ERBB4: variants seen among roughly 807,000 people sequenced by gnomAD.
ERBB4 encodes the protein erb-b2 receptor tyrosine kinase 4.
A neutral mutation model predicts 158.0 loss-of-function variants in ERBB4; 42 were observed. That is an observed-to-expected ratio of 0.27 (90% confidence interval 0.21 to 0.34). The LOEUF is 0.34. ERBB4 is among the 10% of genes least tolerant of loss of function. ERBB4 has a pLI of 1.00. For missense variants in ERBB4, 1,333 were observed against 1,624.1 expected (o/e 0.82, Z 3.08); for synonymous variants, 583 against 558.7 (o/e 1.04, Z -0.61).
At chr2:212,074,433 G>A (rs1486233826) in intron 2 of ERBB4, among the ~76,000 whole-genome samples, 1 of 151,862 alleles carries the variant, frequency 6.6e-6, no homozygotes, top group Non-Finnish European at 1.5e-5. Flanking sequence ...TAATTCTCAG[G>A]TTAATCCCAT....
intron 2 of ERBB4, among the ~76,000 whole-genome samples, chr2:212,003,214 AAGG>A (rs2076174231): frequency 4.5e-5 from 2 of 44,356 alleles, no homozygotes; most frequent in Non-Finnish European, 1.3e-4. Context: ...AGACAGAAAG[AAGG>A]AAGGAAGGAA....
chr2:212,523,440 G>T (rs1304862977), intron 1 of ERBB4, among the ~76,000 whole-genome samples: 1 of 151,914 alleles, frequency 6.6e-6, no homozygotes, highest in African/African-American at 2.4e-5. Context: ...TTTTAAGCTT[G>T]TATGCTTATA....
chr2:212,492,601 G>A (rs573501771), intron 1 of ERBB4, among the ~76,000 whole-genome samples: 2 of 151,402 alleles, frequency 1.3e-5, no homozygotes, highest in Non-Finnish European at 3.0e-5. Flanking sequence ...CAAAATAAAG[G>A]TATCCTGAAT....
intron 12 of ERBB4, among the ~76,000 whole-genome samples, chr2:211,693,996 C>A (rs542794753): frequency 1.2e-4 from 18 of 152,246 alleles, no homozygotes; most frequent in African/African-American, 4.3e-4. Context: ...ATGGCGTTCT[C>A]ATTTGTGTGT....
intron 1 of ERBB4, among the ~76,000 whole-genome samples, chr2:212,435,356 ACAAAC>A (rs1187383568): frequency 6.6e-6 from 1 of 151,994 alleles, no homozygotes; most frequent in Non-Finnish European, 1.5e-5. Context: ...TCCAAGACTT[ACAAAC>A]CATAGACTTG....
chr2:212,357,210 T>G (rs1247584398), intron 1 of ERBB4, among the ~76,000 whole-genome samples: 1 of 151,834 alleles, frequency 6.6e-6, no homozygotes, highest in African/African-American at 2.4e-5. Context: ...AACAATGAGC[T>G]TTAAAATAAA....
At chr2:212,460,405 G>A (rs764714443) in intron 1 of ERBB4, among the ~76,000 whole-genome samples, 10 of 152,156 alleles carry the variant, frequency 6.6e-5, no homozygotes, top group Non-Finnish European at 1.2e-4. Flanking sequence ...TTGGAACTTC[G>A]TAGAGACTTG....
chr2:212,094,814 T>C (rs2078879879), intron 2 of ERBB4, among the ~76,000 whole-genome samples: 1 of 152,174 alleles, frequency 6.6e-6, no homozygotes, highest in African/African-American at 2.4e-5. Flanking sequence ...CAAAATGGAC[T>C]AACATAGTCC....
intron 1 of ERBB4, among the ~76,000 whole-genome samples, chr2:212,526,845 G>A (rs950845427): frequency 2.6e-4 from 40 of 151,954 alleles, no homozygotes; most frequent in African/African-American, 6.3e-4. Context: ...GGGTGTTAGC[G>A]CAACTGCTTT....
At chr2:212,133,404 T>TGG (rs1353390239) in intron 1 of ERBB4, among the ~76,000 whole-genome samples, 2 of 123,342 alleles carry the variant, frequency 1.6e-5, no homozygotes, top group Non-Finnish European at 3.2e-5. Flanking sequence ...GTGTTTTTTT[T>TGG]TTGTTTTGTT....
chr2:212,203,948 G>C (rs2082660894), intron 1 of ERBB4, among the ~76,000 whole-genome samples: 1 of 152,166 alleles, frequency 6.6e-6, no homozygotes, highest in Non-Finnish European at 1.5e-5. Context: ...AAAGTTATTT[G>C]CTGTAGTATT....
chr2:211,404,312 T>C (rs770426609), intron 25 of ERBB4, among the ~76,000 whole-genome samples: 1 of 152,072 alleles, frequency 6.6e-6, no homozygotes, highest in Non-Finnish European at 1.5e-5. Flanking sequence ...TGGTGATCCT[T>C]AGATTTACTA....
chr2:211,489,627 C>CTT (rs1390036153), intron 20 of ERBB4, among the ~76,000 whole-genome samples: 1 of 151,666 alleles, frequency 6.6e-6, no homozygotes, highest in African/African-American at 2.4e-5. Context: ...TAAAATTATA[C>CTT]AAATTATATA....
chr2:212,437,816 C>T (rs1221695703), intron 1 of ERBB4, among the ~76,000 whole-genome samples: 1 of 152,040 alleles, frequency 6.6e-6, no homozygotes, highest in African/African-American at 2.4e-5. Context: ...TCTATGACTT[C>T]CTCTAATTAG....
At chr2:212,296,837 AC>A (rs925563134) in intron 1 of ERBB4, among the ~76,000 whole-genome samples, 4 of 151,928 alleles carry the variant, frequency 2.6e-5, no homozygotes, top group African/African-American at 9.7e-5. Context: ...TTAGAGACTA[AC>A]CACACCCACC....
chr2:211,814,600 AG>A (rs1443924553), intron 3 of ERBB4, among the ~76,000 whole-genome samples: 1 of 152,144 alleles, frequency 6.6e-6, no homozygotes. Context: ...TAGAAAGCAA[AG>A]CAGGCATTTT....
At chr2:212,444,655 G>A (rs1359080086) in intron 1 of ERBB4, among the ~76,000 whole-genome samples, 1 of 152,172 alleles carries the variant, frequency 6.6e-6, no homozygotes, top group Non-Finnish European at 1.5e-5. Context: ...TTGCCCAATA[G>A]GCCCAGGAAC....
At chr2:212,166,908 G>C (rs2081362573) in intron 1 of ERBB4, among the ~76,000 whole-genome samples, 1 of 151,450 alleles carries the variant, frequency 6.6e-6, no homozygotes, top group Admixed American at 6.6e-5. Flanking sequence ...ACTGAAACCG[G>C]ACCTCTTCCT....
intron 1 of ERBB4, among the ~76,000 whole-genome samples, chr2:212,511,849 A>G (rs764146221): frequency 2.0e-5 from 3 of 149,642 alleles, no homozygotes; most frequent in Non-Finnish European, 4.4e-5. Context: ...GTCATGAAGA[A>G]TCCATTTTGC....
Sources: allele counts gnomAD v4.1 joint callset (sites outside exome capture counted in the v4.1 genomes callset), GRCh38; gene constraint gnomAD v4.1.1; transcripts MANE v1.5; gene names NCBI Gene and HGNC (gene_info 2026-07-23, HGNC 2026-07-21).